Variants in CADPS2 observed in about 807,000 individuals in gnomAD.
The protein encoded by CADPS2 is calcium-dependent secretion activator 2.
In CADPS2, 93 loss-of-function variants were observed where a neutral mutation model predicts 172.5. The ratio of observed to expected loss-of-function variants is 0.54; its 90% CI spans 0.46 to 0.64. The LOEUF is 0.64. Ranked by LOEUF, CADPS2 falls within the 30% of genes least tolerant of loss-of-function variation. The pLI, the probability that CADPS2 is intolerant of heterozygous loss-of-function variation, is 0.00. For missense variants in CADPS2, 1,420 were observed against 1,565.9 expected (o/e 0.91, Z 1.57); for synonymous variants, 546 against 555.2 (o/e 0.98, Z 0.23).
intron 6 of CADPS2, among the ~76,000 whole-genome samples, chr7:122,604,273 C>G (rs1019484030): frequency 1.3e-5 from 2 of 152,100 alleles, no homozygotes; most frequent in African/African-American, 4.8e-5. Context: ...TATTCACTCA[C>G]AGATTGTTGA....
At chr7:122,462,279 GAAATTTGTTAATTAGCATAAGACTTTA>G (rs2152104115) in intron 14 of CADPS2, among the ~76,000 whole-genome samples, 1 of 152,142 alleles carries the variant, frequency 6.6e-6, no homozygotes, top group East Asian at 1.9e-4. Context: ...CCTAGGAGGA[GAAATTTGTTAATTAGCATAAGACTTTA>G]AAATTTCAGC....
intron 3 of CADPS2, among the ~76,000 whole-genome samples, chr7:122,662,463 C>T (rs2135355837): frequency 6.6e-6 from 1 of 151,230 alleles, no homozygotes; most frequent in South Asian, 2.1e-4. Flanking sequence ...GCAACCTCCG[C>T]CTCCCAGGTT....
chr7:122,567,764 C>T (rs1433933341), intron 7 of CADPS2, among the ~76,000 whole-genome samples: 2 of 151,842 alleles, frequency 1.3e-5, no homozygotes, highest in Non-Finnish European at 2.9e-5. Flanking sequence ...TTGACTTAGC[C>T]TCTGATGAGT....
chr7:122,441,695 A>G (rs2051373793), intron 15 of CADPS2, 120 bp from the exon 16 acceptor site: 3 of 545,508 alleles, frequency 5.5e-6, no homozygotes, highest in Non-Finnish European at 9.3e-6. Flanking sequence ...AAAATATTAT[A>G]GCATGAACTC....
chr7:122,414,604 G>A (rs770189839), intron 18 of CADPS2, among the ~76,000 whole-genome samples: 6 of 152,092 alleles, frequency 3.9e-5, no homozygotes, highest in Non-Finnish European at 5.9e-5. Context: ...TGTTTCTTCA[G>A]TTTAAAATAA....
chr7:122,565,604 G>A (rs541793875), intron 7 of CADPS2, among the ~76,000 whole-genome samples: 1 of 152,230 alleles, frequency 6.6e-6, no homozygotes, highest in Admixed American at 6.5e-5. Flanking sequence ...AGGAGTTCTT[G>A]ACTCATACAA....
At chr7:122,433,433 T>TG (rs2050227979) in intron 17 of CADPS2, among the ~76,000 whole-genome samples, 1 of 151,646 alleles carries the variant, frequency 6.6e-6, no homozygotes, top group Non-Finnish European at 1.5e-5. Context: ...GATGGAGTTT[T>TG]GCTCTTGTTG....
At chr7:122,871,572 A>C (rs1563218749) in intron 1 of CADPS2, among the ~76,000 whole-genome samples, 2 of 152,116 alleles carry the variant, frequency 1.3e-5, no homozygotes. Context: ...TGCTAAAGAA[A>C]GAAAGGCTAG....
At chr7:122,587,882 C>T (rs2070021116) in intron 6 of CADPS2, among the ~76,000 whole-genome samples, 1 of 152,050 alleles carries the variant, frequency 6.6e-6, no homozygotes, top group Admixed American at 6.6e-5. Context: ...TCTGTTGTTT[C>T]TTGACTTTTT....
intron 9 of CADPS2, among the ~76,000 whole-genome samples, chr7:122,512,285 T>C (rs955684504): frequency 3.3e-5 from 5 of 152,154 alleles, no homozygotes; most frequent in East Asian, 1.9e-4. Context: ...CATTTTACTA[T>C]GTCATTCTGA....
chr7:122,463,614 G>A (rs2054749959), intron 14 of CADPS2, among the ~76,000 whole-genome samples: 1 of 152,140 alleles, frequency 6.6e-6, no homozygotes, highest in African/African-American at 2.4e-5. Context: ...AAGAAGAAAA[G>A]CTGGCAAGTA....
intron 1 of CADPS2, among the ~76,000 whole-genome samples, chr7:122,830,405 A>AG: frequency 6.6e-6 from 1 of 152,332 alleles, no homozygotes; most frequent in South Asian, 2.1e-4. Flanking sequence ...CTAAAAAAAA[A>AG]AAATCAAAGG....
intron 1 of CADPS2, among the ~76,000 whole-genome samples, chr7:122,739,040 G>A (rs2092336659): frequency 6.6e-6 from 1 of 152,032 alleles, no homozygotes. Flanking sequence ...TTTTGTATGG[G>A]TGCATACTAG....
At chr7:122,580,588 TA>T (rs566684168) in intron 7 of CADPS2, among the ~76,000 whole-genome samples, 101 of 152,290 alleles carry the variant, frequency 6.6e-4, no homozygotes, top group African/African-American at 2.4e-3. Context: ...TTAATGCTTT[TA>T]CTGACAGCAC....
intron 28 of CADPS2, among the ~76,000 whole-genome samples, chr7:122,337,574 T>C (rs1389745710): frequency 6.6e-6 from 1 of 152,204 alleles, no homozygotes; most frequent in African/African-American, 2.4e-5. Context: ...GCCTTTGGCC[T>C]CTCTGAACCA....
rs1007454277 is a variant in CADPS2 at position 122,757,752 on chromosome 7, C to T, written c.340-20684G>A. Among the ~76,000 whole-genome samples, 33 of 151,616 alleles carry T rather than the reference C, an allele frequency of 2.2e-4. 1 individual carries two copies. Among genetic ancestry groups the T allele is most frequent in the Admixed American group, 2.6e-4 (4 of 15,200 alleles). On this transcript the variant is annotated intron_variant, in intron 1 of 29. Transcript: ENST00000449022. ...GTCGATTAGGAGAAATAAAGAAAAA[C>T]GGTAATTTTATTAAAAATACCAAGG...
intron 1 of CADPS2, among the ~76,000 whole-genome samples, chr7:122,814,946 T>C (rs185402869): frequency 2.0e-5 from 3 of 152,246 alleles, no homozygotes; most frequent in East Asian, 3.9e-4. Flanking sequence ...CTCTGTTTAC[T>C]ATAACAAGCT....
intron 8 of CADPS2, among the ~76,000 whole-genome samples, chr7:122,527,851 G>A (rs1229657327): frequency 6.6e-6 from 1 of 152,050 alleles, no homozygotes; most frequent in Admixed American, 6.6e-5. Flanking sequence ...ATTGGGAATG[G>A]AGAATAAATG....
At chr7:122,581,357 T>G in intron 6 of CADPS2, 67 bp from the exon 7 acceptor site, 3 of 1,227,676 alleles carry the variant, frequency 2.4e-6, no homozygotes, top group Admixed American at 1.8e-5. Context: ...GAGATGTGTC[T>G]CCATAGAAGG....
Sources: allele counts gnomAD v4.1 joint callset (sites outside exome capture counted in the v4.1 genomes callset), GRCh38; gene constraint gnomAD v4.1.1; transcripts MANE v1.5; gene names NCBI Gene and HGNC (gene_info 2026-07-23, HGNC 2026-07-21).